BNC1: variants seen among roughly 807,000 people sequenced by gnomAD.
BNC1 encodes the protein basonuclin zinc finger protein 1.
BNC1 carries 8 observed loss-of-function variants against 66.5 expected under a neutral mutation model. The ratio of observed to expected loss-of-function variants is 0.12; its 90% CI spans 0.07 to 0.22. The LOEUF (loss-of-function observed/expected upper bound fraction) is 0.22, where lower values mean the gene tolerates loss of function less well. Among genes scored for constraint, BNC1 ranks in the 10% least tolerant of loss-of-function variants. The pLI, the probability that BNC1 is intolerant of heterozygous loss-of-function variation, is 1.00. For synonymous variants in BNC1, 454 were observed against 452.6 expected (o/e 1.00, Z -0.04); for missense variants, 1,069 against 1,241.3 (o/e 0.86, Z 2.09).
chr15:83,276,913 G>C (rs893362527), intron 1 of BNC1, among the ~76,000 whole-genome samples: 2 of 152,188 alleles, frequency 1.3e-5, no homozygotes, highest in Non-Finnish European at 2.9e-5. Context: ...AGAGATCACC[G>C]AAGTTAAGTT....
In BNC1 at chr15:83,267,344, G is replaced by C. The variant is rs1329780096; in HGVS notation, c.200-273C>G. On this transcript the variant is annotated intron_variant, in intron 2 of 4. Transcript: ENST00000345382. ...AACAAGGAAGGAATAAGGAAAAGGG[G>C]TAAAAACTGAGGTGGGAGGTGCATA... Among the ~76,000 whole-genome samples, 3 of 152,158 alleles carry C rather than the reference G, an allele frequency of 2.0e-5. No homozygotes were observed. In the East Asian group the frequency reaches 5.8e-4, roughly 29 times the overall value.
At chr15:83,283,534 G>T (rs985416608) in intron 1 of BNC1, 15 of 984,554 alleles carry the variant, frequency 1.5e-5, no homozygotes, top group Middle Eastern at 5.2e-4. Context: ...AAGGGAGCTC[G>T]AAGTCGGGGG....
At chr15:83,276,993 G>GT (rs527839324) in intron 1 of BNC1, among the ~76,000 whole-genome samples, 102 of 152,242 alleles carry the variant, frequency 6.7e-4, no homozygotes, top group African/African-American at 2.2e-3. Flanking sequence ...GAAAAAAATC[G>GT]TAACTCTTCA....
At chr15:83,267,136 A>T in intron 2 of BNC1, 65 bp from the exon 3 acceptor site, 4 of 1,331,416 alleles carry the variant, frequency 3.0e-6, no homozygotes, top group Non-Finnish European at 4.2e-6. Flanking sequence ...ACACTGCAAA[A>T]AAAAGTAGGT....
chr15:83,276,389 C>T (rs149142922), intron 1 of BNC1, among the ~76,000 whole-genome samples: 4 of 152,236 alleles, frequency 2.6e-5, no homozygotes, highest in Non-Finnish European at 5.9e-5. Flanking sequence ...GGGCCTGATA[C>T]TTGGTAAGCC....
chr15:83,273,307 G>T (rs1444221693), intron 1 of BNC1, among the ~76,000 whole-genome samples: 1 of 152,078 alleles, frequency 6.6e-6, no homozygotes, highest in Non-Finnish European at 1.5e-5. Flanking sequence ...TAAAATTACA[G>T]CACCATTATC....
At chr15:83,280,385 C>T (rs1441640884) in intron 1 of BNC1, among the ~76,000 whole-genome samples, 1 of 152,138 alleles carries the variant, frequency 6.6e-6, no homozygotes, top group Admixed American at 6.5e-5. Flanking sequence ...AAATACAGAG[C>T]AAAACACTTA....
rs2038171336 is a variant in BNC1, at chr15:83,263,449, G to T, written c.1802C>A (p.Pro601His). 6.2e-7 allele frequency: 1 copy of T among 1,614,082 alleles called. No individual in the cohort carries two copies. The highest frequency in any genetic ancestry group is 8.5e-7 in the Non-Finnish European group (1 of 1,180,046). The change falls in exon 4 of 5, where the codon CCT becomes CAT. Residue 601 changes from proline to histidine, a missense_variant. Transcript: ENST00000345382. ...GCAGGGCCTCTCCCCTTCAGGGAAA[G>T]GCTTCCCTAAGCCTCCTGACTGTAC... ...QHVQSGGLGK[P>H]FPEGERPCHR...
intron 1 of BNC1, among the ~76,000 whole-genome samples, chr15:83,272,531 C>T (rs1214982487): frequency 6.6e-6 from 1 of 152,134 alleles, no homozygotes; most frequent in Non-Finnish European, 1.5e-5. Context: ...GCCACTGCAC[C>T]AGGCCCCATT....
rs868059342 is a variant in BNC1 at position 83,264,539 on chromosome 15, T to C, written c.712A>G (p.Ser238Gly). ...AAAGGCAGCATGAAAGTCATGTTGCTTATGAGGTTCTCAAAGGGGTGTATA... is the reference window on the plus strand; with the variant it reads ...AAAGGCAGCATGAAAGTCATGTTGCCTATGAGGTTCTCAAAGGGGTGTATA... ...SSIHPFENLI[S>G]NMTFMLPFQF... Residue 238 changes from serine (S) to glycine (G), a missense_variant, in exon 4 of 5, where the codon AGC (serine) becomes GGC (glycine). Physicochemically the swap from Ser to Gly is moderately conservative, Grantham distance 56 (BLOSUM62 0). This residue lies in a region of BNC1 where 181 missense variants were observed against 181.5 expected (regional missense o/e 1.00). Transcript: ENST00000345382. 6 of 1,613,992 alleles carry C rather than the reference T, an allele frequency of 3.7e-6. No homozygotes were observed. The African/African-American group carries it at 4.0e-5, about 11-fold the overall frequency.
At chr15:83,260,839 G>A (rs1006834653) in intron 4 of BNC1, among the ~76,000 whole-genome samples, 2 of 152,196 alleles carry the variant, frequency 1.3e-5, no homozygotes, top group Non-Finnish European at 2.9e-5. Context: ...GAGAGAAATG[G>A]TGTCAGGTCT....
intron 1 of BNC1, chr15:83,283,433 G>A: frequency 8.0e-7 from 1 of 1,244,422 alleles, no homozygotes; most frequent in East Asian, 3.6e-5. Flanking sequence ...CGCCGCCGCC[G>A]CCCGGCTCCC....
Position 83,284,590 on chromosome 15 carries a change from C to A in BNC1, c.39G>T (p.Ala13=). 1 of 1,035,144 alleles carries A rather than the reference C, an allele frequency of 9.7e-7. No homozygotes were observed. The allele number at this position is 1,035,144 out of a possible 1,614,324, so 64.1% of individuals were successfully genotyped here. Residue 13 remains alanine, a synonymous_variant, in exon 1 of 5, where the codon GCG becomes GCT. Transcript: ENST00000345382. ...RRPPSRGGRG[A]ARARETRRQP... is the part of the protein sequence containing the mutation. Reference sequence around the variant, plus strand: ...GCCGGCGCGTCTCCCGGGCCCGGGCCGCCCCGCGTCCGCCCCGGCTCGGCG... The same window carrying A: ...GCCGGCGCGTCTCCCGGGCCCGGGCAGCCCCGCGTCCGCCCCGGCTCGGCG...
intron 4 of BNC1, among the ~76,000 whole-genome samples, chr15:83,258,619 G>GT (rs1178220177): frequency 3.9e-5 from 6 of 152,124 alleles, no homozygotes; most frequent in African/African-American, 1.4e-4. Context: ...AACTAGACTA[G>GT]TTTAACTAGG....
intron 1 of BNC1, among the ~76,000 whole-genome samples, chr15:83,270,789 G>A (rs1182964179): frequency 6.6e-6 from 1 of 151,836 alleles, no homozygotes; most frequent in Admixed American, 6.6e-5. Context: ...GGTTATCTTC[G>A]CTTTCTTGAT....
chr15:83,255,991 T>C lies in BNC1; in HGVS notation c.*1451A>G, dbSNP rs2038069496. On this transcript the variant is annotated 3_prime_UTR_variant, in exon 5 of 5. Coordinates refer to ENST00000345382, the MANE Select transcript of BNC1 (RefSeq NM_001717.4). ...AAGACTGGAATATTAAACAGCTGGG[T>C]AACTAAACAGTTGAAAGATACATTT... The C allele has an allele frequency of 1.3e-5, 2 of 152,776 alleles. No homozygotes were observed. The highest frequency in any genetic ancestry group is 1.3e-4 in the Admixed American group (2 of 15,298). 9.5% of individuals were successfully genotyped at this position (152,776 alleles called of 1,614,324 possible).
intron 1 of BNC1, among the ~76,000 whole-genome samples, chr15:83,280,575 GTTAA>G (rs2038367899): frequency 6.6e-6 from 1 of 152,182 alleles, no homozygotes; most frequent in Non-Finnish European, 1.5e-5. Context: ...ATCAAACTTA[GTTAA>G]TTATGCCATC....
intron 1 of BNC1, 79 bp from the exon 2 acceptor site, chr15:83,268,311 T>G (rs1032337597): frequency 1.6e-6 from 2 of 1,283,300 alleles, no homozygotes; most frequent in African/African-American, 2.9e-5. Flanking sequence ...ACAAAACATA[T>G]TCCTCCATTC....
rs1252023136 is a variant in BNC1, at chr15:83,256,430, A to G, written c.*1012T>C. 2 of 152,660 alleles carry G rather than the reference A, an allele frequency of 1.3e-5. No individual in the cohort carries two copies. The highest frequency in any genetic ancestry group is 4.8e-5 in the African/African-American group (2 of 41,456). 9.5% of individuals were successfully genotyped at this position (152,660 alleles called of 1,614,324 possible). A position where few individuals can be genotyped will look rare whatever the true frequency, so the allele number is the denominator to read the frequency against. On this transcript the variant is annotated 3_prime_UTR_variant, in exon 5 of 5. Coordinates refer to ENST00000345382, the MANE Select transcript of BNC1 (RefSeq NM_001717.4). ...TCCTACCAAGTAAATTCAAAAGTTCATCCTAATCTTATACGTTTATAAAAC... is the reference window on the plus strand; with the variant it reads ...TCCTACCAAGTAAATTCAAAAGTTCGTCCTAATCTTATACGTTTATAAAAC...
Sources: gnomAD v4.1 joint callset for allele counts (sites outside exome capture counted in the v4.1 genomes callset) on GRCh38, gnomAD v4.1.1 for gene constraint, gnomAD v4.1.1 regional missense constraint, MANE v1.5 for transcripts, NCBI Gene and HGNC (gene_info 2026-07-23, HGNC 2026-07-21) for gene names.